CYP2J2: variants seen among roughly 807,000 people sequenced by gnomAD.
The protein encoded by CYP2J2 is cytochrome P450 family 2 subfamily J member 2, also known as cytochrome P450 2J2.
CYP2J2 carries 41 observed loss-of-function variants against 48.8 expected under a neutral mutation model. The ratio of observed to expected loss-of-function variants is 0.84; its 90% CI spans 0.66 to 1.09. The LOEUF (loss-of-function observed/expected upper bound fraction) is 1.09. CYP2J2 is among the 50% of genes least tolerant of loss of function. The pLI is 0.00. For missense variants in CYP2J2, 644 were observed against 617.3 expected, an observed-to-expected ratio of 1.04 and a Z score of -0.46; for synonymous variants, 221 against 227.1, an observed-to-expected ratio of 0.97 and a Z score of 0.24.
chr1:59,907,761 C>T (rs1410152353), intron 6 of CYP2J2, 25 bp downstream of exon 6: 1 of 1,613,372 alleles, frequency 6.2e-7, no homozygotes, highest in East Asian at 2.2e-5. Flanking sequence ...TGTCCTGGTT[C>T]AGGCTTACTC....
intron 6 of CYP2J2, among the ~76,000 whole-genome samples, chr1:59,906,802 C>T (rs1036004264): frequency 2.0e-5 from 3 of 152,072 alleles, no homozygotes; most frequent in Non-Finnish European, 4.4e-5. Flanking sequence ...CCTAAATATA[C>T]ATATAAAGCA....
At chr1:59,959,933 C>T in the CYP2J2 span, among the ~76,000 whole-genome samples, 1 of 152,148 alleles carries the variant, frequency 6.6e-6, no homozygotes, top group South Asian at 2.1e-4. Context: ...AAAGACTACA[C>T]ACTGGGTACA....
chr1:59,967,572 T>G, the CYP2J2 span, among the ~76,000 whole-genome samples: 48 of 152,334 alleles, frequency 3.2e-4, 1 homozygote, highest in African/African-American at 1.2e-3. Flanking sequence ...CAGACTTGCC[T>G]TTGTGTGTGT....
the CYP2J2 span, among the ~76,000 whole-genome samples, chr1:59,934,604 G>A: frequency 2.0e-5 from 3 of 152,032 alleles, no homozygotes; most frequent in African/African-American, 7.2e-5. Flanking sequence ...TATATGAAAT[G>A]ATGCTCAATG....
intron 5 of CYP2J2, among the ~76,000 whole-genome samples, chr1:59,909,433 G>T (rs1227334064): frequency 6.6e-6 from 1 of 152,178 alleles, no homozygotes; most frequent in African/African-American, 2.4e-5. Context: ...CAGAGAGAAA[G>T]TATGTCAGGA....
chr1:59,966,746 A>T, the CYP2J2 span, among the ~76,000 whole-genome samples: 1 of 152,166 alleles, frequency 6.6e-6, no homozygotes, highest in East Asian at 1.9e-4. Context: ...GAGGAAGATG[A>T]ACGTTATCTG....
chr1:59,954,031 A>G, the CYP2J2 span, among the ~76,000 whole-genome samples: 1 of 152,326 alleles, frequency 6.6e-6, no homozygotes, highest in South Asian at 2.1e-4. Flanking sequence ...GACATGGCCA[A>G]TAAAATGTGA....
At chr1:59,942,109 A>G in the CYP2J2 span, among the ~76,000 whole-genome samples, 1 of 152,162 alleles carries the variant, frequency 6.6e-6, no homozygotes, top group African/African-American at 2.4e-5. Context: ...TTTTTGTGAA[A>G]CTTATGTTCT....
At chr1:59,893,870 G>A (rs762082932) in intron 8 of CYP2J2, 41 bp from the exon 9 acceptor site, 3 of 1,561,188 alleles carry the variant, frequency 1.9e-6, no homozygotes, top group South Asian at 2.5e-5. Context: ...TTCTCAGGTG[G>A]CATTTGTGCC....
At chr1:59,907,701 G>T in intron 6 of CYP2J2, 85 bp downstream of exon 6, 1 of 1,434,800 alleles carries the variant, frequency 7.0e-7, no homozygotes. Context: ...ATCCTACAAT[G>T]CTATCTTCTG....
the CYP2J2 span, among the ~76,000 whole-genome samples, chr1:59,966,542 A>C: frequency 5.3e-5 from 8 of 152,106 alleles, no homozygotes; most frequent in Non-Finnish European, 1.0e-4. Flanking sequence ...TGTTCTTTCC[A>C]CTTTATGACA....
At chr1:59,898,202 A>G (rs901633360) in intron 8 of CYP2J2, among the ~76,000 whole-genome samples, 2 of 152,136 alleles carry the variant, frequency 1.3e-5, no homozygotes, top group Non-Finnish European at 2.9e-5. Flanking sequence ...CCTCCCCTTA[A>G]ACTGGGGCTG....
intron 8 of CYP2J2, among the ~76,000 whole-genome samples, chr1:59,900,652 T>A (rs1644311131): frequency 6.6e-6 from 1 of 151,748 alleles, no homozygotes; most frequent in Non-Finnish European, 1.5e-5. Context: ...AGAAAAAAAA[T>A]GGAAGCACCT....
the CYP2J2 span, among the ~76,000 whole-genome samples, chr1:59,942,078 TTTTTGTA>T: frequency 6.6e-6 from 1 of 152,222 alleles, no homozygotes; most frequent in Non-Finnish European, 1.5e-5. Flanking sequence ...CTTTTTTTAT[TTTTTGTA>T]TTTTGTACCA....
At chr1:59,968,938 C>G in the CYP2J2 span, among the ~76,000 whole-genome samples, 1 of 152,140 alleles carries the variant, frequency 6.6e-6, no homozygotes, top group Non-Finnish European at 1.5e-5. Flanking sequence ...TTCGGGGTTT[C>G]TTCCTTCTGG....
At chr1:59,946,518 G>C in the CYP2J2 span, among the ~76,000 whole-genome samples, 1 of 152,182 alleles carries the variant, frequency 6.6e-6, no homozygotes. Context: ...ACACTAGAAT[G>C]TGAGCTCCAT....
intron 1 of CYP2J2, among the ~76,000 whole-genome samples, chr1:59,921,080 G>C (rs187439220): frequency 6.6e-6 from 1 of 152,148 alleles, no homozygotes; most frequent in East Asian, 1.9e-4. Flanking sequence ...TATCTCATTT[G>C]GTTACCAAGA....
At chr1:59,948,597 A>G in the CYP2J2 span, among the ~76,000 whole-genome samples, 1 of 152,228 alleles carries the variant, frequency 6.6e-6, no homozygotes, top group Non-Finnish European at 1.5e-5. Flanking sequence ...AACCACAATT[A>G]CTTTTGCACC....
chr1:59,912,480 T>C (rs1051728719), intron 2 of CYP2J2, 169 bp from the exon 3 acceptor site: 8 of 660,258 alleles, frequency 1.2e-5, no homozygotes, highest in Non-Finnish European at 2.0e-5. Flanking sequence ...TAATATTTAC[T>C]GATTGCTTGC....
Sources: gnomAD v4.1 joint callset for allele counts (sites outside exome capture counted in the v4.1 genomes callset) on GRCh38, gnomAD v4.1.1 for gene constraint, MANE v1.5 for transcripts, NCBI Gene and HGNC (gene_info 2026-07-23, HGNC 2026-07-21) for gene names.